Variants in PRPF6 observed in about 807,000 individuals in gnomAD.
PRPF6 encodes pre-mRNA processing factor 6.
Under a neutral mutation model 118.3 loss-of-function variants are expected in PRPF6, and 42 were observed. The ratio of observed to expected loss-of-function variants is 0.35; its 90% confidence interval spans 0.28 to 0.46. The LOEUF (loss-of-function observed/expected upper bound fraction) is 0.46. Ranked by LOEUF, PRPF6 falls within the 20% of genes least tolerant of loss-of-function variation. PRPF6 has a pLI of 1.00. For synonymous variants in PRPF6, 481 were observed against 485.1 expected (o/e 0.99, Z 0.11); for missense variants, 662 against 1,255.7 (o/e 0.53, Z 7.15).
In PRPF6 at chr20:64,027,794, G is replaced by A. The variant is rs1601533309; in HGVS notation, c.2339+58G>A. ...GCACAGCTTCCCCATCAGGTGGGCC[G>A]CCGTCACCCAGCTGCTTGTGTGGAG... On this transcript the variant is annotated intron_variant, in intron 17 of 20. Transcript: ENST00000266079. This position sits in a 1 kb window ranked among gnomAD's most constrained non-coding sequence, Gnocchi z 6.5. 26 of 1,607,162 alleles carry A rather than the reference G, an allele frequency of 1.6e-5. No homozygotes were observed. In the East Asian group the frequency reaches 4.7e-4, roughly 29 times the overall value.
chr20:64,019,291 G>A (rs773676824), intron 12 of PRPF6, among the ~76,000 whole-genome samples: 3 of 151,882 alleles, frequency 2.0e-5, no homozygotes, highest in Non-Finnish European at 2.9e-5. Context: ...ATTTTTTATA[G>A]AGATGAGGTT....
chr20:64,023,018 A>T, intron 13 of PRPF6, 140 bp downstream of exon 13: 5 of 1,294,674 alleles, frequency 3.9e-6, no homozygotes, highest in Non-Finnish European at 5.5e-6. Flanking sequence ...GTGATGAAGG[A>T]TTTTATGGCA....
intron 11 of PRPF6, 36 bp from the exon 12 acceptor site, chr20:64,016,687 C>T (rs2059239857): frequency 6.2e-7 from 1 of 1,613,106 alleles, no homozygotes; most frequent in Non-Finnish European, 8.5e-7. Context: ...GCTCTGATTT[C>T]CAAAATCACA....
chr20:64,015,262 C>T (rs2059231943), intron 11 of PRPF6, among the ~76,000 whole-genome samples: 1 of 152,234 alleles, frequency 6.6e-6, no homozygotes, highest in African/African-American at 2.4e-5. Context: ...AGTTTGCGTT[C>T]AGTAGAAACT....
rs1009585820 is a variant in PRPF6, at chr20:64,029,610, G to C, written c.2546+119G>C. ...GCCCGGCAGCAGGGTGGGCTTCCCC[G>C]ATCCTCGGCTGCCGTCGCTCCTGCT... On this transcript the variant is annotated intron_variant, in intron 19 of 20. Coordinates refer to ENST00000266079, the MANE Select transcript of PRPF6 (RefSeq NM_012469.4). This position sits in a 1 kb window ranked among gnomAD's most constrained non-coding sequence, Gnocchi z 4.8. The C allele has an allele frequency of 1.9e-5, 17 of 893,634 alleles. No homozygotes were observed. In the African/African-American group the frequency reaches 2.1e-4, roughly 11 times the overall value. 55.4% of individuals were successfully genotyped at this position (893,634 alleles called of 1,614,324 possible). A position where few individuals can be genotyped will look rare whatever the true frequency, so the allele number is the denominator to read the frequency against.
rs535890903 is a variant in PRPF6 at position 64,026,808 on chromosome 20, A to G, written c.2029-174A>G. On this transcript the variant is annotated intron_variant, in intron 15 of 20. Transcript: ENST00000266079. This position sits in a 1 kb window ranked among gnomAD's most constrained non-coding sequence, Gnocchi z 4.4. ...GAGCGAGACTCTATCTCAAAAAAAA[A>G]CAAAACAAAACAAAAACATATATTT... 6.6e-6 allele frequency among the ~76,000 whole-genome samples: 1 copy of G among 150,972 alleles called. No homozygotes were observed.
At chr20:64,020,416 T>A (rs816924) in intron 12 of PRPF6, among the ~76,000 whole-genome samples, 71,029 of 150,874 alleles carry the variant, frequency 0.47, 17,521 homozygotes, top group African/African-American at 0.6. Context: ...ACTCTGTCTT[T>A]AAAAAAAAAT....
chr20:64,033,054 T>C lies in PRPF6; in HGVS notation c.*61T>C. The C allele has an allele frequency of 6.2e-7, 1 of 1,604,748 alleles. No homozygotes were observed. The highest frequency in any genetic ancestry group is 1.1e-5 in the South Asian group (1 of 90,982). ...GGTTGGGCCGCATGTGGAAGGGCTC[T>C]GAGCTGTGTCCTCCTTCATTAAAAG... On this transcript the variant is annotated 3_prime_UTR_variant, in exon 21 of 21. Coordinates refer to ENST00000266079, the MANE Select transcript of PRPF6 (RefSeq NM_012469.4).
rs1477381133 is a variant in PRPF6, at chr20:64,026,888, C to T, written c.2029-94C>T. On this transcript the variant is annotated intron_variant, in intron 15 of 20. Coordinates refer to ENST00000266079, the MANE Select transcript of PRPF6 (RefSeq NM_012469.4). This position sits in a 1 kb window ranked among gnomAD's most constrained non-coding sequence, Gnocchi z 4.4. ...TATGAAAAGCTTACAAAAGTACACA[C>T]AGTACTGCAGGTAACAGTGTTGAGG... 6.2e-6 allele frequency: 8 copies of T among 1,290,542 alleles called. No individual in the cohort carries two copies. In the South Asian group the frequency reaches 8.4e-5, roughly 14 times the overall value. 79.9% of individuals were successfully genotyped at this position (1,290,542 alleles called of 1,614,324 possible).
intron 4 of PRPF6, 71 bp from the exon 5 acceptor site, chr20:63,994,845 G>A (rs2059134254): frequency 1.3e-6 from 2 of 1,588,620 alleles, no homozygotes; most frequent in Admixed American, 3.4e-5. Flanking sequence ...GGGTGAGAGA[G>A]GGCATGGTCC....
rs1216934324 is a variant in PRPF6, at chr20:64,016,837, G to T, written c.1639G>T (p.Ala547Ser). The change falls in exon 12 of 21, where the codon GCT becomes TCT. Residue 547 changes from alanine (A) to serine (S), a missense_variant. Coordinates refer to ENST00000266079, the MANE Select transcript of PRPF6 (RefSeq NM_012469.4). ...TCGGAAGCATACCTGGATGGAGGAT[G>T]CTGACAGTGTGAGTTGGCAACAGGG... ...EDRKHTWMED[A>S]DSCVAHNALE... 2 of 1,614,074 alleles carry T rather than the reference G, an allele frequency of 1.2e-6. No homozygotes were observed. The highest frequency in any genetic ancestry group is 1.7e-6 in the Non-Finnish European group (2 of 1,180,020).
At chr20:64,016,653 C>T (rs747813871) in intron 11 of PRPF6, 70 bp from the exon 12 acceptor site, 20 of 1,590,926 alleles carry the variant, frequency 1.3e-5, no homozygotes, top group Middle Eastern at 1.8e-4. Context: ...TCAGGAACTC[C>T]GTACTCCCCG....
intron 9 of PRPF6, among the ~76,000 whole-genome samples, chr20:64,002,650 T>C (rs1044672873): frequency 6.1e-5 from 9 of 148,676 alleles, no homozygotes; most frequent in Non-Finnish European, 7.5e-5. Flanking sequence ...CTTTTCTTTT[T>C]TTTTTTTTTT....
At chr20:64,031,501 C>T (rs1439037366) in intron 19 of PRPF6, among the ~76,000 whole-genome samples, 2 of 151,962 alleles carry the variant, frequency 1.3e-5, no homozygotes, top group Non-Finnish European at 2.9e-5. Context: ...AGTGAAACCC[C>T]ATCTCTACTA....
intron 8 of PRPF6, among the ~76,000 whole-genome samples, 153 bp downstream of exon 8, chr20:63,999,912 T>A (rs2059158884): frequency 6.6e-6 from 1 of 152,052 alleles, no homozygotes; most frequent in South Asian, 2.1e-4. Flanking sequence ...AGCCAAGGGC[T>A]TTTTCCTGCT....
At chr20:64,016,386 A>C (rs1393795824) in intron 11 of PRPF6, among the ~76,000 whole-genome samples, 1 of 151,970 alleles carries the variant, frequency 6.6e-6, no homozygotes, top group Non-Finnish European at 1.5e-5. Context: ...GACCTCCCAA[A>C]GTGCTGGGAT....
At position 64,029,600 on chromosome 20, in the gene PRPF6, G is replaced by T. The variant is rs2059305998; in HGVS notation, c.2546+109G>T. The T allele has an allele frequency of 1.0e-6, 1 of 986,582 alleles. No homozygotes were observed. Among genetic ancestry groups the T allele is most frequent in the East Asian group, 2.6e-5 (1 of 39,162 alleles). 61.1% of individuals were successfully genotyped at this position (986,582 alleles called of 1,614,324 possible). ...TTGTAAAGATGCCCGGCAGCAGGGT[G>T]GGCTTCCCCGATCCTCGGCTGCCGT... On this transcript the variant is annotated intron_variant, in intron 19 of 20. Transcript: ENST00000266079. The surrounding 1 kb of genome is among the most constrained non-coding windows in gnomAD (Gnocchi z 4.8).
rs539831178 is a variant in PRPF6 at position 64,031,768 on chromosome 20, T to A, written c.2547-150T>A. 3 of 1,014,590 alleles carry A rather than the reference T, an allele frequency of 3.0e-6. No homozygotes were observed. In the South Asian group the frequency reaches 3.8e-5, roughly 13 times the overall value. The allele number at this position is 1,014,590 out of a possible 1,614,324, so 62.8% of individuals were successfully genotyped here. A position where few individuals can be genotyped will look rare whatever the true frequency, so the allele number is the denominator to read the frequency against. ...ATGATCTGGGGTAATTATTTCTGGA[T>A]CAGCCGAGGCCCTGATCCTCAGGCC... On this transcript the variant is annotated intron_variant, in intron 19 of 20. Coordinates refer to ENST00000266079, the MANE Select transcript of PRPF6 (RefSeq NM_012469.4).
intron 8 of PRPF6, 146 bp downstream of exon 8, chr20:63,999,905 C>A: frequency 9.3e-7 from 1 of 1,070,528 alleles, no homozygotes; most frequent in Non-Finnish European, 1.4e-6. Flanking sequence ...GAAAAGCAGC[C>A]AAGGGCTTTT....
Sources: allele counts gnomAD v4.1 joint callset (sites outside exome capture counted in the v4.1 genomes callset), GRCh38; gene constraint gnomAD v4.1.1; non-coding constraint Gnocchi (gnomAD v3.1); transcripts MANE v1.5; gene names NCBI Gene and HGNC (gene_info 2026-07-23, HGNC 2026-07-21).